KCNH8: variants seen among roughly 807,000 people sequenced by gnomAD.
KCNH8 encodes the protein voltage-gated delayed rectifier potassium channel KCNH8.
Under a neutral mutation model 103.6 loss-of-function variants are expected in KCNH8, and 70 were observed. That is an observed-to-expected ratio of 0.68 (90% CI 0.56 to 0.82). KCNH8 has a LOEUF of 0.82. Among genes scored for constraint, KCNH8 ranks in the 40% least tolerant of loss-of-function variants. KCNH8 has a pLI of 0.00. For missense variants in KCNH8, 1,217 were observed against 1,329.9 expected (o/e 0.92, Z 1.32); for synonymous variants, 498 against 489.4 (o/e 1.02, Z -0.23).
At chr3:19,380,779 G>A (rs1394280255) in intron 5 of KCNH8, among the ~76,000 whole-genome samples, 1 of 152,224 alleles carries the variant, frequency 6.6e-6, no homozygotes, top group Non-Finnish European at 1.5e-5. Context: ...CCGAAATCAC[G>A]TGGGTGTGGC....
intron 3 of KCNH8, among the ~76,000 whole-genome samples, chr3:19,326,847 C>A (rs138727643): frequency 8.5e-5 from 13 of 152,250 alleles, no homozygotes; most frequent in African/African-American, 3.1e-4. Context: ...GGGTTAGCTA[C>A]GTGGTTCTTA....
chr3:19,468,895 G>A (rs775706940), intron 11 of KCNH8, among the ~76,000 whole-genome samples: 7 of 152,114 alleles, frequency 4.6e-5, no homozygotes, highest in South Asian at 2.1e-4. Context: ...ACTATATTAC[G>A]ATTTAATTCA....
At chr3:19,191,732 AG>A (rs969299371) in intron 1 of KCNH8, among the ~76,000 whole-genome samples, 15 of 151,798 alleles carry the variant, frequency 9.9e-5, no homozygotes, top group African/African-American at 3.6e-4. Context: ...TTCTGCGGGG[AG>A]GTCCCACTTC....
At chr3:19,153,612 T>A (rs2063150940) in intron 1 of KCNH8, among the ~76,000 whole-genome samples, 1 of 151,608 alleles carries the variant, frequency 6.6e-6, no homozygotes, top group Non-Finnish European at 1.5e-5. Flanking sequence ...TCTTTTTCTT[T>A]TCTTTTCTTT....
intron 11 of KCNH8, among the ~76,000 whole-genome samples, chr3:19,464,348 C>A (rs866583841): frequency 6.6e-6 from 1 of 151,998 alleles, no homozygotes; most frequent in Non-Finnish European, 1.5e-5. Context: ...GAAAATAAAC[C>A]GTGGCCTAAA....
chr3:19,173,166 T>A (rs893125272), intron 1 of KCNH8, among the ~76,000 whole-genome samples: 1 of 148,512 alleles, frequency 6.7e-6, no homozygotes, highest in African/African-American at 2.6e-5. Flanking sequence ...GATCCTGGCA[T>A]CTCATTTAAA....
chr3:19,430,994 T>G (rs962227708), intron 7 of KCNH8, among the ~76,000 whole-genome samples: 3 of 152,214 alleles, frequency 2.0e-5, no homozygotes, highest in African/African-American at 7.2e-5. Flanking sequence ...CTTGCCTGAT[T>G]GCCCTGGCCA....
chr3:19,370,007 T>C (rs1394728354), intron 5 of KCNH8, among the ~76,000 whole-genome samples: 4 of 152,100 alleles, frequency 2.6e-5, no homozygotes, highest in Admixed American at 2.0e-4. Flanking sequence ...GATCATGTCA[T>C]GTCTCTGCTT....
intron 1 of KCNH8, among the ~76,000 whole-genome samples, chr3:19,213,532 C>T (rs1262239233): frequency 1.3e-5 from 2 of 152,148 alleles, no homozygotes; most frequent in African/African-American, 2.4e-5. Flanking sequence ...CAAAATGCTT[C>T]CCCAATCCCC....
intron 5 of KCNH8, among the ~76,000 whole-genome samples, chr3:19,380,743 G>A (rs1001860857): frequency 6.6e-6 from 1 of 152,180 alleles, no homozygotes; most frequent in Admixed American, 6.5e-5. Context: ...GCCAAGTTTG[G>A]CATTATTGCT....
chr3:19,428,686 A>C (rs1477037240), intron 7 of KCNH8, among the ~76,000 whole-genome samples: 1 of 152,246 alleles, frequency 6.6e-6, no homozygotes, highest in African/African-American at 2.4e-5. Flanking sequence ...AGTGAGAAGA[A>C]GACTGACAGA....
intron 11 of KCNH8, among the ~76,000 whole-genome samples, chr3:19,484,214 T>A (rs2068153937): frequency 6.6e-6 from 1 of 152,174 alleles, no homozygotes; most frequent in Non-Finnish European, 1.5e-5. Flanking sequence ...AGAGGGGTCA[T>A]AACACACATC....
At chr3:19,154,224 C>T (rs145668518) in intron 1 of KCNH8, among the ~76,000 whole-genome samples, 24 of 152,132 alleles carry the variant, frequency 1.6e-4, no homozygotes, top group Admixed American at 2.0e-4. Context: ...GGTGCAAAAA[C>T]AATATTCTAT....
intron 7 of KCNH8, among the ~76,000 whole-genome samples, chr3:19,419,722 A>C (rs1415049364): frequency 6.6e-6 from 1 of 151,940 alleles, no homozygotes; most frequent in African/African-American, 2.4e-5. Context: ...CCCCATTTTA[A>C]AAAATGGTGG....
chr3:19,173,844 CTT>C (rs2063372166), intron 1 of KCNH8, among the ~76,000 whole-genome samples: 1 of 151,992 alleles, frequency 6.6e-6, no homozygotes, highest in African/African-American at 2.4e-5. Context: ...AAATAATTCT[CTT>C]TGTGTCCCCA....
intron 3 of KCNH8, among the ~76,000 whole-genome samples, chr3:19,341,055 C>T (rs2065653030): frequency 1.3e-5 from 2 of 152,244 alleles, no homozygotes; most frequent in South Asian, 4.1e-4. Context: ...TGGAATGGTT[C>T]TAGGGTTTCC....
At chr3:19,374,442 T>C (rs1054014362) in intron 5 of KCNH8, among the ~76,000 whole-genome samples, 1 of 152,074 alleles carries the variant, frequency 6.6e-6, no homozygotes, top group African/African-American at 2.4e-5. Flanking sequence ...CCCTGCCTTT[T>C]TTTGTTTTCC....
chr3:19,508,345 T>G lies in KCNH8; in HGVS notation c.2041-2018T>G, dbSNP rs960879296. On this transcript the variant is annotated intron_variant, in intron 11 of 15. Coordinates refer to ENST00000328405, the MANE Select transcript of KCNH8 (RefSeq NM_144633.3). ...AAAAAGTAGGAGGAAGAAAAATATA[T>G]TGCATGCCAAACACTTAAATATAGT... 2.6e-5 allele frequency among the ~76,000 whole-genome samples: 4 copies of G among 152,138 alleles called. No homozygotes were observed. In the East Asian group the frequency reaches 7.7e-4, roughly 29 times the overall value.
At chr3:19,377,708 T>G (rs2125122208) in intron 5 of KCNH8, among the ~76,000 whole-genome samples, 1 of 152,248 alleles carries the variant, frequency 6.6e-6, no homozygotes, top group East Asian at 1.9e-4. Context: ...AAAGAAAAAC[T>G]TATTTATGAG....
Sources: allele counts gnomAD v4.1 joint callset (sites outside exome capture counted in the v4.1 genomes callset), GRCh38; gene constraint gnomAD v4.1.1; transcripts MANE v1.5; gene names NCBI Gene and HGNC (gene_info 2026-07-23, HGNC 2026-07-21).